VWA5A: variants seen among roughly 807,000 people sequenced by gnomAD.
VWA5A encodes von Willebrand factor A domain containing 5A.
Under a neutral mutation model 84.6 loss-of-function variants are expected in VWA5A, and 77 were observed. The observed-to-expected ratio is 0.91, with a 90% CI of 0.76 to 1.10. The LOEUF is 1.10. Among genes scored for constraint, VWA5A ranks in the 50% least tolerant of loss-of-function variants. VWA5A has a pLI of 0.00. For synonymous variants in VWA5A, 334 were observed against 350.1 expected (o/e 0.95, Z 0.51); for missense variants, 973 against 963.0 (o/e 1.01, Z -0.14).
In VWA5A at chr11:124,136,113, C is replaced by T; in HGVS notation, c.1360-16C>T. 6.2e-7 allele frequency: 1 copy of T among 1,612,032 alleles called. No individual in the cohort carries two copies. The highest frequency in any genetic ancestry group is 2.2e-5 in the East Asian group (1 of 44,820). On this transcript the variant is annotated splice_polypyrimidine_tract_variant and intron_variant, in intron 12 of 18. Coordinates refer to ENST00000456829, the MANE Select transcript of VWA5A (RefSeq NM_001130142.2). ...CTGTATCATTTGTGTTTATTCTGTT[C>T]TCTTCCCCACATTAGGCTCTCAGGA...
intron 11 of VWA5A, among the ~76,000 whole-genome samples, chr11:124,133,388 A>G (rs1865126420): frequency 6.6e-6 from 1 of 152,146 alleles, no homozygotes. Context: ...CTGCTTTTGT[A>G]CTTGGCACTT....
rs528660902 is a variant in VWA5A at position 124,137,681 on chromosome 11, G to A, written c.1879+413G>A. Among the ~76,000 whole-genome samples, 7 of 152,226 alleles carry A rather than the reference G, an allele frequency of 4.6e-5. No individual in the cohort carries two copies. The South Asian group carries it at 1.5e-3, about 32-fold the overall frequency. The stretch of plus-strand genomic sequence containing the variant: ...ATTGATTGCCACAATCAATTTTAGA[G>A]CATTTTCATCACCTAAGAAATAAAC... On this transcript the variant is annotated intron_variant, in intron 15 of 18. Coordinates refer to ENST00000456829, the MANE Select transcript of VWA5A (RefSeq NM_001130142.2).
chr11:124,119,134 C>T, intron 7 of VWA5A, 45 bp downstream of exon 7: 3 of 1,534,396 alleles, frequency 2.0e-6, no homozygotes, highest in Non-Finnish European at 2.7e-6. Flanking sequence ...GGGGCAACTC[C>T]CTGTCTTGGA....
intron 12 of VWA5A, 25 bp from the exon 13 acceptor site, chr11:124,136,104 T>C: frequency 6.2e-7 from 1 of 1,608,808 alleles, no homozygotes; most frequent in Non-Finnish European, 8.5e-7. Flanking sequence ...CATTTGTGTT[T>C]ATTCTGTTCT....
chr11:124,119,197 C>G, intron 7 of VWA5A, 108 bp downstream of exon 7: 1 of 970,188 alleles, frequency 1.0e-6, no homozygotes, highest in East Asian at 2.6e-5. Context: ...GTGGTTAATA[C>G]ATGTGAAACA....
At position 124,146,079 on chromosome 11, in the gene VWA5A, C is replaced by T; in HGVS notation, c.*134C>T. On this transcript the variant is annotated 3_prime_UTR_variant, in exon 19 of 19. Coordinates refer to ENST00000456829, the MANE Select transcript of VWA5A (RefSeq NM_001130142.2). The stretch of plus-strand genomic sequence containing the variant: ...CCATAAAAGTAAAGGATGCTTACTC[C>T]ACTTCGCTTCTCTGCTCCAGGTTCA... 1.2e-6 allele frequency: 1 copy of T among 852,870 alleles called. No homozygotes were observed. 52.8% of individuals were successfully genotyped at this position (852,870 alleles called of 1,614,324 possible).
chr11:124,118,640 G>A lies in VWA5A; in HGVS notation c.577G>A (p.Glu193Lys), dbSNP rs999128670. ...VATIDSQHGIEKVQSNCPLSP... is the reference protein window; with the variant it reads ...VATIDSQHGIKKVQSNCPLSP... Reference sequence around the variant, plus strand: ...CACCATAGATTCCCAGCATGGCATTGAGAAGGTCCAATCCAACTGCCCCTT... The same window carrying A: ...CACCATAGATTCCCAGCATGGCATTAAGAAGGTCCAATCCAACTGCCCCTT... Residue 193 changes from glutamate to lysine, a missense_variant, in exon 6 of 19, where the codon GAG becomes AAG. By Grantham distance (56) the Glu-to-Lys change is moderately conservative. Coordinates refer to ENST00000456829, the MANE Select transcript of VWA5A (RefSeq NM_001130142.2). 2.5e-6 allele frequency: 4 copies of A among 1,614,046 alleles called. No individual in the cohort carries two copies. Among genetic ancestry groups the A allele is most frequent in the African/African-American group, 1.3e-5 (1 of 74,942 alleles).
At chr11:124,124,537 T>C in intron 11 of VWA5A, 4 of 1,289,798 alleles carry the variant, frequency 3.1e-6, no homozygotes, top group Non-Finnish European at 2.9e-6. Context: ...CTTTCTAAAC[T>C]ACAACGAACA....
intron 15 of VWA5A, among the ~76,000 whole-genome samples, chr11:124,141,089 C>G (rs1175721038): frequency 2.0e-5 from 3 of 152,228 alleles, no homozygotes; most frequent in Admixed American, 2.0e-4. Flanking sequence ...GAGTGGAAGT[C>G]TATGGTCTAG....
At chr11:124,117,452 A>G in intron 2 of VWA5A, 45 bp from the exon 3 acceptor site, 1 of 1,579,456 alleles carries the variant, frequency 6.3e-7, no homozygotes, top group Non-Finnish European at 8.7e-7. Context: ...GTTTGAACAG[A>G]TAACTTCCAA....
Position 124,117,543 on chromosome 11 carries a change from A to G in VWA5A, c.32A>G (p.His11Arg). The G allele has an allele frequency of 6.2e-7, 1 of 1,614,172 alleles. No homozygotes were observed. The highest frequency in any genetic ancestry group is 8.5e-7 in the Non-Finnish European group (1 of 1,180,028). Reference sequence around the variant, plus strand: ...CACTTCTGTGGCCTACTCACCCTCCACCGGGAGCCAGGTAAGCCTAATTTG... The same window carrying G: ...CACTTCTGTGGCCTACTCACCCTCCGCCGGGAGCCAGGTAAGCCTAATTTG... MVHFCGLLTL[H>R]REPVPLKSIS... Residue 11 changes from histidine (H) to arginine (R), a missense_variant, in exon 3 of 19, where the codon CAC becomes CGC. His to Arg is a conservative substitution (Grantham distance 29). Transcript: ENST00000456829.
chr11:124,142,782 G>A lies in VWA5A; in HGVS notation c.2154+210G>A, dbSNP rs560954972. Among the ~76,000 whole-genome samples, 4 of 151,876 alleles carry A rather than the reference G, an allele frequency of 2.6e-5. No homozygotes were observed. The South Asian group carries it at 8.4e-4, about 32-fold the overall frequency. ...GGGGAAGCTAGTAGGAATTGATGGG[G>A]TTTTTTTTGCTGGTGGATGACAAAG... On this transcript the variant is annotated intron_variant, in intron 17 of 18. Coordinates refer to ENST00000456829, the MANE Select transcript of VWA5A (RefSeq NM_001130142.2).
rs1565615709 is a variant in VWA5A at position 124,123,026 on chromosome 11, C to CAAAT, written c.829_832dup (p.Thr278LysfsTer22). 1 of 1,614,164 alleles carries CAAAT rather than the reference C, an allele frequency of 6.2e-7. No homozygotes were observed. The highest frequency in any genetic ancestry group is 1.1e-5 in the South Asian group (1 of 91,086). On this transcript the variant is annotated frameshift_variant, in exon 8 of 19. Transcript: ENST00000456829. LOFTEE classifies it high-confidence loss of function. ...CCAAATATCCCAGAAGATCAACCAT[C>CAAAT]AAATACCTGTGGAGAGTTTATCTTT...
chr11:124,123,206 C>G, intron 8 of VWA5A, 77 bp downstream of exon 8: 1 of 1,551,622 alleles, frequency 6.4e-7, no homozygotes. Flanking sequence ...AAGGGTCTAT[C>G]TGGAGCCTGA....
chr11:124,137,349 G>A (rs977970403), intron 15 of VWA5A, 81 bp downstream of exon 15: 1 of 1,513,878 alleles, frequency 6.6e-7, no homozygotes, highest in Non-Finnish European at 8.8e-7. Context: ...GGAAAGGGCT[G>A]TGAAATGTTC....
At chr11:124,126,276 C>G (rs972405282) in intron 11 of VWA5A, among the ~76,000 whole-genome samples, 1 of 152,098 alleles carries the variant, frequency 6.6e-6, no homozygotes, top group Non-Finnish European at 1.5e-5. Context: ...AAAAGGAAAC[C>G]TATTGGTATA....
chr11:124,141,562 G>A (rs1250624206), intron 15 of VWA5A, 36 bp from the exon 16 acceptor site: 2 of 1,610,922 alleles, frequency 1.2e-6, no homozygotes, highest in Non-Finnish European at 1.7e-6. Context: ...GCAGAGAGCA[G>A]GGAGTGCCAC....
intron 17 of VWA5A, among the ~76,000 whole-genome samples, chr11:124,144,456 T>C (rs1417983725): frequency 6.6e-6 from 1 of 152,204 alleles, no homozygotes; most frequent in Non-Finnish European, 1.5e-5. Flanking sequence ...CTGTTTGTTT[T>C]TAGACTAGGA....
rs1052141769 is a variant in VWA5A at position 124,124,115 on chromosome 11, A to C, written c.1165-122A>C. On this transcript the variant is annotated intron_variant, in intron 10 of 18. Transcript: ENST00000456829. ...CAGCGACTGAAACATTAGGGATTTC[A>C]TGCCTCTTTGAAGAGGCACCAGAGC... is the stretch of plus-strand genomic sequence containing the variant. 3 of 982,216 alleles carry C rather than the reference A, an allele frequency of 3.1e-6. No individual in the cohort carries two copies. The East Asian group carries it at 7.8e-5, about 26-fold the overall frequency. The allele number at this position is 982,216 out of a possible 1,614,324, so 60.8% of individuals were successfully genotyped here.
Sources: gnomAD v4.1 joint callset for allele counts (sites outside exome capture counted in the v4.1 genomes callset) on GRCh38, gnomAD v4.1.1 for gene constraint, MANE v1.5 for transcripts, NCBI Gene and HGNC (gene_info 2026-07-23, HGNC 2026-07-21) for gene names.